The following ANK2 variants were observed in gnomAD, a reference collection of about 807,000 sequenced individuals.
ANK2 encodes the protein ankyrin-2.
In ANK2, 83 loss-of-function variants were observed where a neutral mutation model predicts 360.5. The ratio of observed to expected loss-of-function variants is 0.23; its 90% CI spans 0.19 to 0.28. ANK2 has a LOEUF of 0.28. ANK2 is among the 10% of genes least tolerant of loss of function. The pLI, the probability that ANK2 is intolerant of heterozygous loss-of-function variation, is 1.00. For synonymous variants in ANK2, 1,740 were observed against 1,759.5 expected (o/e 0.99, Z 0.28); for missense variants, 4,201 against 4,795.7 (o/e 0.88, Z 3.66).
chr4:112,769,358 C>T, the ANK2 span, among the ~76,000 whole-genome samples: 13 of 152,182 alleles, frequency 8.5e-5, no homozygotes, highest in African/African-American at 2.4e-4. Context: ...GAGTCAGAGT[C>T]GGGGAAGACT....
At chr4:113,104,707 T>C (rs1449241663) in intron 1 of ANK2, among the ~76,000 whole-genome samples, 2 of 147,514 alleles carry the variant, frequency 1.4e-5, no homozygotes, top group Non-Finnish European at 3.0e-5. Flanking sequence ...AGAACGAGAT[T>C]CCATCTCAAA....
At chr4:112,964,580 T>C (rs1156505932) in intron 2 of ANK2, among the ~76,000 whole-genome samples, 2 of 150,944 alleles carry the variant, frequency 1.3e-5, no homozygotes, top group Non-Finnish European at 1.5e-5. Context: ...TTTCTTTTTT[T>C]TTTTTTTTGA....
At chr4:112,984,724 A>T (rs181798418) in intron 2 of ANK2, among the ~76,000 whole-genome samples, 1 of 152,086 alleles carries the variant, frequency 6.6e-6, no homozygotes, top group Non-Finnish European at 1.5e-5. Flanking sequence ...TTACCCAATC[A>T]TGAGAGGTTA....
chr4:113,174,916 G>A (rs991163599), intron 2 of ANK2, among the ~76,000 whole-genome samples: 10 of 151,926 alleles, frequency 6.6e-5, no homozygotes, highest in Non-Finnish European at 1.3e-4. Flanking sequence ...AGAAATAAGA[G>A]GATAAAATGT....
In ANK2 at chr4:113,168,720, TA is replaced by T. The variant is rs368515809; in HGVS notation, c.85-5690del. Among the ~76,000 whole-genome samples, 1,429 of 152,332 alleles carry T rather than the reference TA, an allele frequency of 9.4e-3. 19 individuals are homozygous for T. The highest frequency in any genetic ancestry group is 0.033 in the African/African-American group (1,362 of 41,570). ...AGAAAGTAACTTCTGCAATTCTTTC[TA>T]AAAAATCCTAGTATATCCAGCATGC... On this transcript the variant is annotated intron_variant, in intron 1 of 45. Transcript: ENST00000357077.
the ANK2 span, among the ~76,000 whole-genome samples, chr4:112,785,055 A>G: frequency 3.9e-5 from 6 of 152,184 alleles, 1 homozygote; most frequent in South Asian, 1.0e-3. Flanking sequence ...AAATTATAAT[A>G]TATTATAGCA....
At chr4:113,099,931 G>A (rs545938402) in intron 1 of ANK2, among the ~76,000 whole-genome samples, 1 of 152,168 alleles carries the variant, frequency 6.6e-6, no homozygotes, top group East Asian at 1.9e-4. Flanking sequence ...GCGACAAAAA[G>A]TGAATCTAGT....
intron 2 of ANK2, among the ~76,000 whole-genome samples, chr4:112,996,080 C>T (rs183994248): frequency 6.6e-6 from 1 of 152,288 alleles, no homozygotes; most frequent in East Asian, 1.9e-4. Flanking sequence ...ACCCAAATGT[C>T]TATCAACTGG....
intron 26 of ANK2, chr4:113,323,899 A>G (rs1033930272): frequency 1.7e-5 from 17 of 980,572 alleles, no homozygotes; most frequent in South Asian, 1.6e-4. Flanking sequence ...TAGTGTGAAG[A>G]TACCTAGCCA....
intron 1 of ANK2, among the ~76,000 whole-genome samples, chr4:113,119,315 C>T (rs995607178): frequency 5.3e-5 from 8 of 152,082 alleles, no homozygotes; most frequent in African/African-American, 1.4e-4. Context: ...GCACAACAAA[C>T]TTGCTAAAAG....
chr4:112,716,138 CA>C, the ANK2 span, among the ~76,000 whole-genome samples: 7 of 152,174 alleles, frequency 4.6e-5, no homozygotes, highest in African/African-American at 1.2e-4. Flanking sequence ...GAGGTTTGCA[CA>C]GCCCCCCTAG....
chr4:112,830,963 G>A (rs1367057470), intron 1 of ANK2, among the ~76,000 whole-genome samples: 2 of 152,212 alleles, frequency 1.3e-5, no homozygotes, highest in Admixed American at 6.5e-5. Context: ...CAGCAGCTGC[G>A]GAGGGTGCCC....
chr4:113,302,737 C>T (rs1482336340), intron 22 of ANK2, 30 bp from the exon 23 acceptor site: 1 of 1,580,456 alleles, frequency 6.3e-7, no homozygotes, highest in Non-Finnish European at 8.7e-7. Flanking sequence ...TTGGTTTCAA[C>T]TTGAACATTA....
intron 1 of ANK2, among the ~76,000 whole-genome samples, chr4:113,110,183 C>T (rs2094138053): frequency 6.6e-6 from 1 of 152,146 alleles, no homozygotes; most frequent in Non-Finnish European, 1.5e-5. Context: ...GGAGCAAAGG[C>T]ACATCTTACC....
At position 113,317,813 on chromosome 4, in the gene ANK2, T is replaced by A; in HGVS notation, c.2796+4T>A. On this transcript the variant is annotated splice_donor_region_variant and intron_variant, in intron 25 of 45. Transcript: ENST00000357077. Reference sequence around the variant, plus strand: ...AGTTGTGATTCCCAGTCACCAGGTATGTGACATTTTGCCTTCATGTCTTTG... The same window carrying A: ...AGTTGTGATTCCCAGTCACCAGGTAAGTGACATTTTGCCTTCATGTCTTTG... The A allele has an allele frequency of 6.2e-7, 1 of 1,608,630 alleles. No individual in the cohort carries two copies. The highest frequency in any genetic ancestry group is 8.5e-7 in the Non-Finnish European group (1 of 1,175,100).
chr4:112,776,731 G>A, the ANK2 span, among the ~76,000 whole-genome samples: 2 of 152,186 alleles, frequency 1.3e-5, no homozygotes, highest in African/African-American at 2.4e-5. Context: ...CATTAAATAT[G>A]TACATTATGC....
chr4:112,952,644 T>C (rs2095101180), intron 2 of ANK2, among the ~76,000 whole-genome samples: 1 of 152,206 alleles, frequency 6.6e-6, no homozygotes, highest in South Asian at 2.1e-4. Flanking sequence ...TTTTAAGCCT[T>C]TGAGCATCTT....
At chr4:113,040,230 T>C (rs1354215710) in intron 2 of ANK2, among the ~76,000 whole-genome samples, 1 of 152,072 alleles carries the variant, frequency 6.6e-6, no homozygotes. Flanking sequence ...CCACATTTTG[T>C]TATTCTTCAG....
At chr4:112,858,811 A>G (rs2067108305) in intron 1 of ANK2, among the ~76,000 whole-genome samples, 1 of 152,072 alleles carries the variant, frequency 6.6e-6, no homozygotes, top group South Asian at 2.1e-4. Flanking sequence ...CCTTTTGCCC[A>G]GGCTATTTGA....
Sources: gnomAD v4.1 joint callset for allele counts (sites outside exome capture counted in the v4.1 genomes callset) on GRCh38, gnomAD v4.1.1 for gene constraint, MANE v1.5 for transcripts, NCBI Gene and HGNC (gene_info 2026-07-23, HGNC 2026-07-21) for gene names.